NRG1: variants seen among roughly 807,000 people sequenced by gnomAD.
NRG1 encodes neuregulin 1.
NRG1 carries 18 observed loss-of-function variants against 63.8 expected under a neutral mutation model. That is an observed-to-expected ratio of 0.28 (90% confidence interval 0.19 to 0.42). NRG1 has a LOEUF of 0.42. Among genes scored for constraint, NRG1 ranks in the 10% least tolerant of loss-of-function variants. NRG1 has a pLI of 1.00. For missense variants in NRG1, 762 were observed against 814.7 expected (o/e 0.94, Z 0.79); for synonymous variants, 302 against 301.3 (o/e 1.00, Z -0.02).
At chr8:32,200,284 T>C (rs1403067293) in intron 1 of NRG1, among the ~76,000 whole-genome samples, 2 of 152,200 alleles carry the variant, frequency 1.3e-5, no homozygotes, top group Non-Finnish European at 2.9e-5. Context: ...ACTTTATATT[T>C]CATTGTTGCT....
At chr8:32,757,462 T>C (rs992573470) in intron 9 of NRG1, among the ~76,000 whole-genome samples, 8 of 152,232 alleles carry the variant, frequency 5.3e-5, no homozygotes, top group Non-Finnish European at 1.0e-4. Flanking sequence ...AGATATATCA[T>C]AGACCCAACT....
intron 1 of NRG1, among the ~76,000 whole-genome samples, chr8:32,464,447 C>A (rs778918342): frequency 4.6e-5 from 7 of 152,092 alleles, no homozygotes; most frequent in Non-Finnish European, 7.3e-5. Flanking sequence ...CAACTCTAAT[C>A]TACTGATGAC....
At chr8:32,502,292 G>A (rs538820011) in intron 1 of NRG1, among the ~76,000 whole-genome samples, 68 of 150,788 alleles carry the variant, frequency 4.5e-4, no homozygotes, top group East Asian at 6.1e-4. Context: ...ACGAGAACTC[G>A]GTCACTATCA....
intron 1 of NRG1, among the ~76,000 whole-genome samples, chr8:31,830,337 CCTTCCTTCCTTCCTTCCT>C (rs1824996431): frequency 8.6e-6 from 1 of 115,884 alleles, no homozygotes; most frequent in African/African-American, 3.2e-5. Flanking sequence ...TTCCTTCCTT[CCTTCCTTCCTTCCTTCCT>C]TCCTTCCCTC....
chr8:32,069,186 GT>G (rs1446191130), intron 1 of NRG1, among the ~76,000 whole-genome samples: 1 of 152,152 alleles, frequency 6.6e-6, no homozygotes, highest in Non-Finnish European at 1.5e-5. Flanking sequence ...GTCTTTTAGA[GT>G]TCAAAGTGAA....
intron 1 of NRG1, among the ~76,000 whole-genome samples, chr8:32,433,504 T>C (rs1818421222): frequency 6.6e-6 from 1 of 152,194 alleles, no homozygotes; most frequent in African/African-American, 2.4e-5. Flanking sequence ...TTTTCCTTGT[T>C]CGGGAAATAA....
At chr8:31,717,106 A>G (rs933364354) in intron 1 of NRG1, among the ~76,000 whole-genome samples, 15 of 152,196 alleles carry the variant, frequency 9.9e-5, no homozygotes, top group Admixed American at 8.5e-4. Flanking sequence ...TATTGATGAT[A>G]GAGCAGATAC....
At chr8:32,221,724 TTTG>T in intron 1 of NRG1, among the ~76,000 whole-genome samples, 1 of 152,278 alleles carries the variant, frequency 6.6e-6, no homozygotes. Flanking sequence ...TTTCATTGTA[TTTG>T]TTGTTGTTGC....
At chr8:31,931,608 T>C (rs542313454) in intron 1 of NRG1, among the ~76,000 whole-genome samples, 38 of 152,300 alleles carry the variant, frequency 2.5e-4, no homozygotes, top group Non-Finnish European at 4.7e-4. Context: ...ATAATTATTG[T>C]CTGAAAAAAT....
chr8:32,265,558 G>A (rs1297619897), intron 1 of NRG1, among the ~76,000 whole-genome samples: 1 of 152,022 alleles, frequency 6.6e-6, no homozygotes, highest in Non-Finnish European at 1.5e-5. Flanking sequence ...ACTAATGTAG[G>A]CTGGGTGGGT....
chr8:31,967,880 A>G lies in NRG1; in HGVS notation c.37+328449A>G, dbSNP rs116928652. On this transcript the variant is annotated intron_variant, in intron 1 of 10. Coordinates refer to the NRG1 transcript ENST00000519301. The stretch of plus-strand genomic sequence containing the variant: ...AAGTACCGTCTTGGAGACACTGGTC[A>G]TAGTTGTTAAAGCTTCCAGCCCTCC... Among the ~76,000 whole-genome samples the G allele has an allele frequency of 3.3e-3, 504 of 152,326 alleles. 2 individuals are homozygous for G. Among genetic ancestry groups the G allele is most frequent in the South Asian group, 0.022 (105 of 4,826 alleles).
chr8:32,620,791 C>A (rs774639244), intron 5 of NRG1, among the ~76,000 whole-genome samples: 12 of 151,834 alleles, frequency 7.9e-5, no homozygotes, highest in Non-Finnish European at 1.6e-4. Context: ...CACTGCACTC[C>A]AGCCTGGGCA....
chr8:32,040,628 CGTAT>C (rs1819792602), intron 1 of NRG1, among the ~76,000 whole-genome samples: 1 of 145,394 alleles, frequency 6.9e-6, no homozygotes, highest in South Asian at 2.2e-4. Context: ...CATATATACA[CGTAT>C]GTATGTATAT....
chr8:32,373,726 C>CA (rs1587171113), intron 1 of NRG1, among the ~76,000 whole-genome samples: 2 of 152,046 alleles, frequency 1.3e-5, no homozygotes, highest in East Asian at 3.9e-4. Flanking sequence ...TGCAGTGAGC[C>CA]AAGATTGCAC....
intron 5 of NRG1, among the ~76,000 whole-genome samples, chr8:32,684,085 T>C (rs1809427774): frequency 6.6e-6 from 1 of 152,044 alleles, no homozygotes; most frequent in African/African-American, 2.4e-5. Context: ...TGATCCCAGC[T>C]ACTCCGGGAG....
chr8:32,217,296 G>C (rs34207922), intron 1 of NRG1, among the ~76,000 whole-genome samples: 13,897 of 149,034 alleles, frequency 0.093, 791 homozygotes, highest in East Asian at 0.28. Context: ...TGATTTAATT[G>C]ATCTAAGAAA....
chr8:32,632,416 G>A (rs528487936), intron 5 of NRG1, among the ~76,000 whole-genome samples: 1 of 152,160 alleles, frequency 6.6e-6, no homozygotes, highest in African/African-American at 2.4e-5. Context: ...GGGCGTGGTG[G>A]TGCATGCCTG....
rs561750288 is a variant in NRG1, at chr8:32,737,675, C to CTT, written c.633-4982_633-4981dup. ...ATCAATTAACTGTATGACAATCTTC[C>CTT]TTTTTTTTTTTTTTTTTTTGAGATG... On this transcript the variant is annotated intron_variant, in intron 6 of 11. Coordinates refer to ENST00000356819, the Ensembl canonical transcript of NRG1. Among the ~76,000 whole-genome samples, 103 of 127,892 alleles carry CTT rather than the reference C, an allele frequency of 8.1e-4. 1 individual carries two copies. The highest frequency in any genetic ancestry group is 9.7e-4 in the African/African-American group (33 of 34,012). The allele number at this position is 127,892 out of a possible 152,430, so 83.9% of individuals were successfully genotyped here.
At chr8:32,395,756 A>G (rs1219824936) in intron 1 of NRG1, among the ~76,000 whole-genome samples, 1 of 152,056 alleles carries the variant, frequency 6.6e-6, no homozygotes, top group Non-Finnish European at 1.5e-5. Flanking sequence ...TAGTTTATCA[A>G]GTTTTTTCTT....
Sources: gnomAD v4.1 joint callset for allele counts (sites outside exome capture counted in the v4.1 genomes callset) on GRCh38, gnomAD v4.1.1 for gene constraint, MANE v1.5 for transcripts, NCBI Gene and HGNC (gene_info 2026-07-23, HGNC 2026-07-21) for gene names.